The following KHDRBS3 variants were observed in gnomAD, a reference collection of about 807,000 sequenced individuals.
The protein encoded by KHDRBS3 is KH domain-containing, RNA-binding, signal transduction-associated protein 3.
A neutral mutation model predicts 45.6 loss-of-function variants in KHDRBS3; 23 were observed. The observed-to-expected ratio is 0.50, with a 90% CI of 0.36 to 0.72. The LOEUF is 0.72. KHDRBS3 is among the 30% of genes least tolerant of loss of function. The pLI is 0.00. For synonymous variants in KHDRBS3, 162 were observed against 156.5 expected (o/e 1.04, Z -0.26); for missense variants, 352 against 424.8 (o/e 0.83, Z 1.51).
chr8:135,500,265 T>G (rs148424153), intron 1 of KHDRBS3, among the ~76,000 whole-genome samples: 14 of 152,158 alleles, frequency 9.2e-5, no homozygotes, highest in African/African-American at 3.4e-4. Context: ...GGTTCTTTTT[T>G]TTTTTTGTAA....
At chr8:135,532,921 T>C (rs1825552813) in intron 2 of KHDRBS3, among the ~76,000 whole-genome samples, 1 of 152,186 alleles carries the variant, frequency 6.6e-6, no homozygotes, top group African/African-American at 2.4e-5. Context: ...TAGTATTAGA[T>C]AAACAATGTA....
intron 5 of KHDRBS3, 60 bp downstream of exon 5, chr8:135,557,647 A>G: frequency 3.1e-6 from 4 of 1,283,074 alleles, no homozygotes; most frequent in Non-Finnish European, 4.5e-6. Flanking sequence ...TATTTCCTTT[A>G]TTAGTAGCCA....
At chr8:135,510,750 T>G (rs943886539) in intron 1 of KHDRBS3, among the ~76,000 whole-genome samples, 13 of 152,124 alleles carry the variant, frequency 8.5e-5, no homozygotes, top group African/African-American at 3.1e-4. Flanking sequence ...GGTTTTTGAT[T>G]GGTAGTCTCT....
intron 7 of KHDRBS3, among the ~76,000 whole-genome samples, chr8:135,620,445 T>C (rs1465476043): frequency 6.6e-6 from 1 of 152,116 alleles, no homozygotes; most frequent in Non-Finnish European, 1.5e-5. Context: ...CTCTGCCTCA[T>C]CTCAGGTCAC....
chr8:135,461,561 A>G (rs564341526), intron 1 of KHDRBS3, among the ~76,000 whole-genome samples: 1 of 152,330 alleles, frequency 6.6e-6, no homozygotes, highest in South Asian at 2.1e-4. Flanking sequence ...TTAATTGCAG[A>G]TGAAAGTGGT....
At chr8:135,580,015 CAG>C (rs2130917966) in intron 5 of KHDRBS3, among the ~76,000 whole-genome samples, 1 of 152,338 alleles carries the variant, frequency 6.6e-6, no homozygotes, top group East Asian at 1.9e-4. Context: ...AAGGAGGTCA[CAG>C]AGCATTTGGG....
chr8:135,587,193 C>A (rs1828517516), intron 6 of KHDRBS3, among the ~76,000 whole-genome samples: 1 of 152,188 alleles, frequency 6.6e-6, no homozygotes, highest in African/African-American at 2.4e-5. Context: ...GATATTGGAT[C>A]ATTTATACTG....
chr8:135,549,934 C>A (rs1030935340), intron 4 of KHDRBS3: 12 of 152,070 alleles, frequency 7.9e-5, no homozygotes, highest in African/African-American at 2.9e-4. Context: ...TCTTTAGTTC[C>A]CATGAGCAAA....
At chr8:135,498,106 G>A (rs901180888) in intron 1 of KHDRBS3, among the ~76,000 whole-genome samples, 1 of 151,890 alleles carries the variant, frequency 6.6e-6, no homozygotes, top group African/African-American at 2.4e-5. Context: ...GGATGAATGG[G>A]TTAGAAGACA....
chr8:135,620,164 C>T (rs1830079051), intron 7 of KHDRBS3, among the ~76,000 whole-genome samples: 2 of 151,858 alleles, frequency 1.3e-5, no homozygotes, highest in Admixed American at 6.6e-5. Flanking sequence ...CCTCCGCCTC[C>T]TTGGCTGAAG....
chr8:135,463,558 G>A (rs141093511), intron 1 of KHDRBS3, among the ~76,000 whole-genome samples: 1 of 152,256 alleles, frequency 6.6e-6, no homozygotes, highest in African/African-American at 2.4e-5. Flanking sequence ...TCTTTCTTAA[G>A]GAATTTATGA....
intron 7 of KHDRBS3, among the ~76,000 whole-genome samples, chr8:135,642,733 T>C (rs1831114233): frequency 6.6e-6 from 1 of 152,070 alleles, no homozygotes; most frequent in Admixed American, 6.6e-5. Flanking sequence ...GATAACAAGG[T>C]GGGGCCTATA....
chr8:135,577,296 C>T (rs541862261), intron 5 of KHDRBS3, among the ~76,000 whole-genome samples: 1 of 152,268 alleles, frequency 6.6e-6, no homozygotes, highest in East Asian at 1.9e-4. Context: ...CATGAAAATT[C>T]ACTCTCTGTG....
At chr8:135,487,261 A>G (rs1165062823) in intron 1 of KHDRBS3, among the ~76,000 whole-genome samples, 2 of 152,230 alleles carry the variant, frequency 1.3e-5, no homozygotes, top group African/African-American at 4.8e-5. Flanking sequence ...CCTATCATGT[A>G]TACCTGGTAA....
At chr8:135,495,274 T>G (rs1001241083) in intron 1 of KHDRBS3, among the ~76,000 whole-genome samples, 1 of 152,242 alleles carries the variant, frequency 6.6e-6, no homozygotes, top group Non-Finnish European at 1.5e-5. Context: ...TCCACTCACC[T>G]GTTTTTGTGA....
intron 1 of KHDRBS3, among the ~76,000 whole-genome samples, chr8:135,486,420 G>A (rs1822868608): frequency 6.6e-6 from 1 of 152,328 alleles, no homozygotes; most frequent in Middle Eastern, 3.4e-3. Context: ...CTGAGCTCCA[G>A]TTCTTGGATA....
chr8:135,590,536 A>G (rs188225485), intron 6 of KHDRBS3, among the ~76,000 whole-genome samples: 1 of 152,326 alleles, frequency 6.6e-6, no homozygotes, highest in East Asian at 1.9e-4. Flanking sequence ...GTTTGTCAAA[A>G]TTTGGTTTCC....
intron 5 of KHDRBS3, among the ~76,000 whole-genome samples, chr8:135,569,316 G>C (rs1157253511): frequency 6.6e-6 from 1 of 152,148 alleles, no homozygotes; most frequent in Non-Finnish European, 1.5e-5. Context: ...CCTTGAGATA[G>C]AGAAATGCAC....
At chr8:135,503,053 T>C (rs1408739442) in intron 1 of KHDRBS3, among the ~76,000 whole-genome samples, 1 of 152,200 alleles carries the variant, frequency 6.6e-6, no homozygotes, top group Non-Finnish European at 1.5e-5. Context: ...TTTGTGATCA[T>C]AGAAAGTTAT....
Sources: allele counts gnomAD v4.1 joint callset (sites outside exome capture counted in the v4.1 genomes callset), GRCh38; gene constraint gnomAD v4.1.1; transcripts MANE v1.5; gene names NCBI Gene and HGNC (gene_info 2026-07-23, HGNC 2026-07-21).